IQCM: variants seen among roughly 807,000 people sequenced by gnomAD.
IQCM encodes the protein IQ motif containing M.
In IQCM, 45 loss-of-function variants were observed where a neutral mutation model predicts 57.6. The ratio of observed to expected loss-of-function variants is 0.78; its 90% CI spans 0.62 to 1.00. The LOEUF (loss-of-function observed/expected upper bound fraction) is 1.00, where lower values mean the gene tolerates loss of function less well. IQCM is among the 50% of genes least tolerant of loss of function. The probability of loss-of-function intolerance (pLI) is 0.00; values close to 1 mark genes in which losing one functional copy is unlikely to be tolerated. For missense variants in IQCM, 468 were observed against 511.6 expected, an observed-to-expected ratio of 0.91 and a Z score of 0.82; for synonymous variants, 148 against 158.9, an observed-to-expected ratio of 0.93 and a Z score of 0.51.
At chr4:149,477,017 G>GAA (rs1203646903) in intron 12 of IQCM, among the ~76,000 whole-genome samples, 4 of 152,114 alleles carry the variant, frequency 2.6e-5, no homozygotes, top group Admixed American at 6.6e-5. Context: ...TGGCTACATA[G>GAA]AAGCTTATAC....
chr4:149,403,315 G>A (rs922252658), intron 13 of IQCM, among the ~76,000 whole-genome samples: 14 of 151,878 alleles, frequency 9.2e-5, no homozygotes, highest in African/African-American at 3.1e-4. Context: ...AAGCACTTAC[G>A]TAGTTGGCAG....
intron 7 of IQCM, among the ~76,000 whole-genome samples, chr4:149,640,840 C>T (rs1011282701): frequency 1.3e-5 from 2 of 152,114 alleles, no homozygotes; most frequent in Non-Finnish European, 2.9e-5. Context: ...AAAATGTCCA[C>T]CTTTCAGCCA....
intron 12 of IQCM, among the ~76,000 whole-genome samples, chr4:149,454,251 T>C (rs1036679230): frequency 6.6e-6 from 1 of 151,404 alleles, no homozygotes; most frequent in Non-Finnish European, 1.5e-5. Context: ...TATATATATA[T>C]TTCTATACAC....
At chr4:149,631,638 T>C (rs1757273671) in intron 7 of IQCM, among the ~76,000 whole-genome samples, 4 of 152,340 alleles carry the variant, frequency 2.6e-5, no homozygotes, top group African/African-American at 9.6e-5. Context: ...CACAAAATTG[T>C]GCCAAAATGT....
intron 13 of IQCM, among the ~76,000 whole-genome samples, chr4:149,386,251 C>A (rs549716394): frequency 1.3e-5 from 2 of 151,874 alleles, no homozygotes; most frequent in Non-Finnish European, 2.9e-5. Flanking sequence ...TCAATGGATG[C>A]CAGTGGAGAG....
rs571602209 is a variant in IQCM, at chr4:149,433,983, C to T, written c.1229-426G>A. 2.6e-5 allele frequency among the ~76,000 whole-genome samples: 4 copies of T among 152,060 alleles called. No individual in the cohort carries two copies. The South Asian group carries it at 6.2e-4, about 24-fold the overall frequency. On this transcript the variant is annotated intron_variant, in intron 12 of 13. Transcript: ENST00000636793. Reference sequence around the variant, plus strand: ...TACTAAAATAATTAATATTCCTAGGCTATGGTTTTTAAGAAAATATAAAAT... The same window carrying T: ...TACTAAAATAATTAATATTCCTAGGTTATGGTTTTTAAGAAAATATAAAAT...
chr4:149,809,211 C>T (rs1187704985), intron 2 of IQCM, among the ~76,000 whole-genome samples: 1 of 150,548 alleles, frequency 6.6e-6, no homozygotes, highest in Non-Finnish European at 1.5e-5. Flanking sequence ...TGCAGTGAGC[C>T]GAGATCACAC....
intron 13 of IQCM, among the ~76,000 whole-genome samples, chr4:149,386,523 T>G (rs138610922): frequency 6.6e-6 from 1 of 152,064 alleles, no homozygotes; most frequent in African/African-American, 2.4e-5. Context: ...CATACTGCAA[T>G]TGTCATTATC....
chr4:149,362,915 T>C (rs1362677479), intron 13 of IQCM, among the ~76,000 whole-genome samples: 2 of 152,192 alleles, frequency 1.3e-5, no homozygotes, highest in Non-Finnish European at 2.9e-5. Flanking sequence ...CTTGTTCCAA[T>C]AAGATAATGG....
intron 13 of IQCM, among the ~76,000 whole-genome samples, chr4:149,356,545 A>T (rs923747148): frequency 6.6e-6 from 1 of 152,154 alleles, no homozygotes; most frequent in Non-Finnish European, 1.5e-5. Context: ...GTCAAAGATC[A>T]GATAGTTGTA....
intron 5 of IQCM, among the ~76,000 whole-genome samples, chr4:149,712,947 A>G (rs1764686412): frequency 6.6e-6 from 1 of 152,200 alleles, no homozygotes; most frequent in Non-Finnish European, 1.5e-5. Flanking sequence ...CCTTATCAGG[A>G]GAAAATGTCA....
chr4:149,481,669 T>C (rs911718669), intron 12 of IQCM, among the ~76,000 whole-genome samples: 1 of 150,760 alleles, frequency 6.6e-6, no homozygotes, highest in African/African-American at 2.4e-5. Flanking sequence ...TTGGTATATT[T>C]TGAAGTCATG....
intron 2 of IQCM, among the ~76,000 whole-genome samples, chr4:149,787,579 C>T (rs1226404543): frequency 6.6e-6 from 1 of 152,002 alleles, no homozygotes; most frequent in Non-Finnish European, 1.5e-5. Flanking sequence ...CCAAGAACAT[C>T]CATTGGGGAA....
rs182434963 is a variant in IQCM at position 149,467,917 on chromosome 4, A to G, written c.1229-34360T>C. On this transcript the variant is annotated intron_variant, in intron 12 of 13. Transcript: ENST00000636793. Reference sequence around the variant, plus strand: ...CCTGTTGATGCTGTTTATACATTTCATCAATGCAGGGCACAGAGTAGGGTG... The same window carrying G: ...CCTGTTGATGCTGTTTATACATTTCGTCAATGCAGGGCACAGAGTAGGGTG... Among the ~76,000 whole-genome samples, 107 of 152,294 alleles carry G rather than the reference A, an allele frequency of 7.0e-4. No individual in the cohort carries two copies. In the South Asian group the frequency reaches 0.012, roughly 17 times the overall value.
At chr4:149,680,704 A>C (rs1762117205) in intron 7 of IQCM, among the ~76,000 whole-genome samples, 1 of 151,468 alleles carries the variant, frequency 6.6e-6, no homozygotes, top group Non-Finnish European at 1.5e-5. Flanking sequence ...ACATTTCTGC[A>C]TGGGTAGAAC....
At chr4:149,421,497 A>C (rs574942802) in intron 13 of IQCM, among the ~76,000 whole-genome samples, 1 of 152,192 alleles carries the variant, frequency 6.6e-6, no homozygotes, top group East Asian at 1.9e-4. Flanking sequence ...TATTTGCAAC[A>C]TGCCACAAAG....
At chr4:149,481,770 C>T (rs1205703475) in intron 12 of IQCM, among the ~76,000 whole-genome samples, 2 of 110,042 alleles carry the variant, frequency 1.8e-5, no homozygotes, top group Non-Finnish European at 3.5e-5. Flanking sequence ...TCTGTGATTC[C>T]ATAAAAATTT....
intron 8 of IQCM, among the ~76,000 whole-genome samples, chr4:149,599,733 G>A (rs2150029114): frequency 6.6e-6 from 1 of 152,238 alleles, no homozygotes; most frequent in East Asian, 1.9e-4. Flanking sequence ...CCTGTGGTTT[G>A]TGTATGCTTT....
intron 2 of IQCM, among the ~76,000 whole-genome samples, chr4:149,802,812 T>C (rs1324763693): frequency 6.6e-6 from 1 of 152,008 alleles, no homozygotes; most frequent in Non-Finnish European, 1.5e-5. Context: ...AAGTTCTTTA[T>C]TGTGGAGCAT....
Sources: allele counts gnomAD v4.1 joint callset (sites outside exome capture counted in the v4.1 genomes callset), GRCh38; gene constraint gnomAD v4.1.1; transcripts MANE v1.5; gene names NCBI Gene and HGNC (gene_info 2026-07-23, HGNC 2026-07-21).